The following SCN7A variants were observed in gnomAD, a reference collection of about 807,000 sequenced individuals.
SCN7A encodes sodium channel protein type 7 subunit alpha.
A neutral mutation model predicts 155.2 loss-of-function variants in SCN7A; 138 were observed. The observed-to-expected ratio is 0.89, with a 90% CI of 0.77 to 1.02. The LOEUF is 1.02. Ranked by LOEUF, SCN7A falls within the 50% of genes least tolerant of loss-of-function variation. SCN7A has a pLI of 0.00. For missense variants in SCN7A, 2,058 were observed against 1,986.6 expected (o/e 1.04, Z -0.68); for synonymous variants, 693 against 649.0 (o/e 1.07, Z -1.03).
chr2:166,414,009 A>ATATAT (rs1701266401), intron 21 of SCN7A, among the ~76,000 whole-genome samples: 2 of 54,454 alleles, frequency 3.7e-5, no homozygotes, highest in African/African-American at 7.7e-5. Context: ...ATATAAATAT[A>ATATAT]CTATATATAT....
At position 166,457,072 on chromosome 2, in the gene SCN7A, A is replaced by T. The variant is rs901170618; in HGVS notation, c.1088T>A (p.Leu363His). ...CATGTAGACCTTCCCAGAAGCATAAAGTATCTAAGGAAAGGTAGAAAGTAA... is the reference window on the plus strand; with the variant it reads ...CATGTAGACCTTCCCAGAAGCATAATGTATCTAAGGAAAGGTAGAAAGTAA... ...DYPEVLYHQI[L>H]YASGKVYMIF... The change falls in exon 11 of 26, where the codon CTT (leucine) becomes CAT (histidine). Residue 363 changes from leucine to histidine, a missense_variant. Coordinates refer to ENST00000643258, the MANE Select transcript of SCN7A (RefSeq NM_002976.4). 11 of 1,600,506 alleles carry T rather than the reference A, an allele frequency of 6.9e-6. No individual in the cohort carries two copies. The highest frequency in any genetic ancestry group is 9.4e-6 in the Non-Finnish European group (11 of 1,172,716).
chr2:166,452,861 TTATCA>T (rs1348100103), intron 11 of SCN7A, among the ~76,000 whole-genome samples: 1 of 152,172 alleles, frequency 6.6e-6, no homozygotes, highest in Non-Finnish European at 1.5e-5. Context: ...ATGATGGTAC[TTATCA>T]TATGTCTGGT....
intron 21 of SCN7A, among the ~76,000 whole-genome samples, chr2:166,414,085 G>GTAAATATATATAATATATTATATA (rs1401447928): frequency 3.1e-4 from 17 of 55,266 alleles, no homozygotes; most frequent in East Asian, 4.9e-4. Flanking sequence ...GTAAATATAT[G>GTAAATATATATAATATATTATATA]TAAATATATA....
intron 7 of SCN7A, among the ~76,000 whole-genome samples, chr2:166,467,919 T>C (rs1186827452): frequency 2.6e-5 from 4 of 151,952 alleles, no homozygotes; most frequent in Non-Finnish European, 5.9e-5. Context: ...TATATTCTCC[T>C]TATTATTCAC....
At chr2:166,440,077 C>A (rs1701925949) in intron 15 of SCN7A, among the ~76,000 whole-genome samples, 1 of 152,164 alleles carries the variant, frequency 6.6e-6, no homozygotes, top group Non-Finnish European at 1.5e-5. Context: ...TTCATTAGAA[C>A]CACTTCAGTT....
intron 21 of SCN7A, 121 bp from the exon 22 acceptor site, chr2:166,413,242 A>T (rs1206375615): frequency 2.1e-6 from 1 of 469,422 alleles, no homozygotes; most frequent in African/African-American, 2.0e-5. Flanking sequence ...TATACTGTGT[A>T]ATTGGGATCC....
chr2:166,457,552 T>C (rs1702312654), intron 10 of SCN7A, among the ~76,000 whole-genome samples: 1 of 152,200 alleles, frequency 6.6e-6, no homozygotes, highest in Non-Finnish European at 1.5e-5. Flanking sequence ...AATTAGTCTT[T>C]ACAAGGAATG....
intron 7 of SCN7A, among the ~76,000 whole-genome samples, chr2:166,466,288 C>A (rs951588398): frequency 2.6e-5 from 4 of 152,060 alleles, no homozygotes; most frequent in African/African-American, 9.7e-5. Flanking sequence ...ACTTGTCATA[C>A]TAACCTCCAG....
rs1306728903 is a variant in SCN7A, at chr2:166,428,702, ATAT to A, written c.2698+464_2698+466del. 5.3e-5 allele frequency among the ~76,000 whole-genome samples: 8 copies of A among 152,172 alleles called. No individual in the cohort carries two copies. The South Asian group carries it at 1.0e-3, about 20-fold the overall frequency. On this transcript the variant is annotated intron_variant, in intron 17 of 25. Coordinates refer to ENST00000643258, the MANE Select transcript of SCN7A (RefSeq NM_002976.4). ...CTATGAGTAGTATTGTGGCAGTGGA[ATAT>A]TATTAATAATGGTGATTCCAAAACA...
rs980158410 is a variant in SCN7A at position 166,419,382 on chromosome 2, C to G, written c.3135+1808G>C. Among the ~76,000 whole-genome samples the G allele has an allele frequency of 1.4e-5, 2 of 138,366 alleles. 1 individual carries two copies. Among genetic ancestry groups the G allele is most frequent in the Admixed American group, 1.5e-4 (2 of 13,264 alleles). The allele number at this position is 138,366 out of a possible 152,430, so 90.8% of individuals were successfully genotyped here. ...CTGTCTTTTTTTTTTTTTTTTGAGA[C>G]AGTCTCACTCTGTCACCCAGTCTGG... On this transcript the variant is annotated intron_variant, in intron 20 of 25. Coordinates refer to ENST00000643258, the MANE Select transcript of SCN7A (RefSeq NM_002976.4).
Position 166,414,291 on chromosome 2 carries a change from C to CATATATATATATAT in SCN7A, c.3415-1171_3415-1170insATATATATATATAT, listed in dbSNP as rs1289665485. On this transcript the variant is annotated intron_variant, in intron 21 of 25. Coordinates refer to ENST00000643258, the MANE Select transcript of SCN7A (RefSeq NM_002976.4). ...ACACACATATATATATATATACACACACATATATATATATATATATACACA... is the reference window on the plus strand; with the variant it reads ...ACACACATATATATATATATACACACATATATATATATATACATATATATATATATATATACACA... 3.5e-3 allele frequency among the ~76,000 whole-genome samples: 149 copies of CATATATATATATAT among 42,722 alleles called. 5 individuals carry two copies. Among genetic ancestry groups the CATATATATATATAT allele is most frequent in the South Asian group, 6.3e-3 (9 of 1,438 alleles). The allele number at this position is 42,722 out of a possible 152,430, so 28.0% of individuals were successfully genotyped here.
Position 166,477,693 on chromosome 2 carries a change from A to G in SCN7A, c.4T>C (p.Leu2=). M[L]ASPEPKGLVP... ...AGGCCCTTAGGTTCTGGTGAAGCCA[A>G]CATTTCCAATTTTGTACCTGCAAAA... Residue 2 remains leucine (L), a synonymous_variant, in exon 3 of 26, where the codon TTG becomes CTG. Transcript: ENST00000643258. 1 of 1,549,566 alleles carries G rather than the reference A, an allele frequency of 6.5e-7. No homozygotes were observed. Among genetic ancestry groups the G allele is most frequent in the Non-Finnish European group, 8.7e-7 (1 of 1,154,352 alleles).
chr2:166,458,264 G>A (rs1054112633), intron 10 of SCN7A, among the ~76,000 whole-genome samples: 4 of 151,694 alleles, frequency 2.6e-5, no homozygotes. Flanking sequence ...GGGTGGCTGA[G>A]GCTGCTGTGA....
Position 166,423,334 on chromosome 2 carries a change from A to C in SCN7A, c.2952T>G (p.Leu984=), listed in dbSNP as rs1355929147. The C allele has an allele frequency of 6.2e-7, 1 of 1,612,294 alleles. No individual in the cohort carries two copies. The highest frequency in any genetic ancestry group is 8.5e-7 in the Non-Finnish European group (1 of 1,179,112). The change falls in exon 19 of 26, where the codon CTT becomes CTG. Residue 984 remains leucine, a synonymous_variant. Transcript: ENST00000643258. The part of the protein sequence containing the change: ...IFTYIFILEM[L]LKWMAYGFKA... ...TAAAACCATATGCCATCCATTTTAG[A>C]AGCATTTCCAGAATGAAGATATAAG... is the stretch of plus-strand genomic sequence containing the variant.
At chr2:166,459,701 C>T (rs1412938248) in intron 10 of SCN7A, among the ~76,000 whole-genome samples, 3 of 151,926 alleles carry the variant, frequency 2.0e-5, no homozygotes, top group African/African-American at 7.3e-5. Context: ...TACACTATTC[C>T]CAATAGCAAA....
intron 2 of SCN7A, among the ~76,000 whole-genome samples, chr2:166,482,013 T>G (rs1702940189): frequency 6.6e-6 from 1 of 152,158 alleles, no homozygotes; most frequent in Non-Finnish European, 1.5e-5. Context: ...ACGCACATAC[T>G]CCTTTACAGG....
rs1050311168 is a variant in SCN7A, at chr2:166,474,174, T to C, written c.353+52A>G. 9.3e-6 allele frequency: 7 copies of C among 754,642 alleles called. No individual in the cohort carries two copies. In the Admixed American group the frequency reaches 1.7e-4, roughly 18 times the overall value. The allele number at this position is 754,642 out of a possible 1,614,324, so 46.7% of individuals were successfully genotyped here. On this transcript the variant is annotated intron_variant, in intron 4 of 25. Transcript: ENST00000643258. ...AGAAATAATTGAATAATAGTATAGT[T>C]GCAGTTAATGTCAGCACAGTTTAAA... is the stretch of plus-strand genomic sequence containing the variant.
rs1247019865 is a variant in SCN7A, at chr2:166,441,615, C to T, written c.1938G>A (p.Met646Ile). Reference sequence around the variant, plus strand: ...CTTCATAATTCTTACCAAACAGCTTCATGCCGAATGCAGCAGAAAAGAAGA... The same window carrying T: ...CTTCATAATTCTTACCAAACAGCTTTATGCCGAATGCAGCAGAAAAGAAGA... The part of the protein sequence containing the change: ...TFIFFSAAFG[M>I]KLFGKNYEEF... Residue 646 changes from methionine to isoleucine, a missense_variant, in exon 15 of 26, where the codon ATG becomes ATA. Physicochemically the swap from Met to Ile is conservative, Grantham distance 10. Coordinates refer to ENST00000643258, the MANE Select transcript of SCN7A (RefSeq NM_002976.4). 6.2e-7 allele frequency: 1 copy of T among 1,613,906 alleles called. No homozygotes were observed. Among genetic ancestry groups the T allele is most frequent in the Admixed American group, 1.7e-5 (1 of 59,996 alleles).
chr2:166,432,872 G>T (rs1575021686), intron 15 of SCN7A, 120 bp from the exon 16 acceptor site: 2 of 666,788 alleles, frequency 3.0e-6, no homozygotes, highest in East Asian at 2.8e-5. Context: ...CATTTTTCAA[G>T]AATACAATAT....
Sources: allele counts gnomAD v4.1 joint callset (sites outside exome capture counted in the v4.1 genomes callset), GRCh38; gene constraint gnomAD v4.1.1; transcripts MANE v1.5; gene names NCBI Gene and HGNC (gene_info 2026-07-23, HGNC 2026-07-21).